The following NSA2 variants were observed in gnomAD, a reference collection of about 807,000 sequenced individuals.
NSA2 encodes NSA2 ribosome biogenesis factor, also known as ribosome biogenesis protein NSA2 homolog.
In NSA2, 18 loss-of-function variants were observed where a neutral mutation model predicts 34.8. The observed-to-expected ratio is 0.52, with a 90% CI of 0.36 to 0.77. The LOEUF is 0.77. Ranked by LOEUF, NSA2 falls within the 30% of genes least tolerant of loss-of-function variation. NSA2 has a pLI of 0.00. For missense variants in NSA2, 188 were observed against 314.7 expected (o/e 0.60, Z 3.05); for synonymous variants, 79 against 100.2 (o/e 0.79, Z 1.26).
chr5:74,768,062 T>C (rs747356964), intron 1 of NSA2, among the ~76,000 whole-genome samples: 2 of 152,212 alleles, frequency 1.3e-5, no homozygotes, highest in Non-Finnish European at 2.9e-5. Flanking sequence ...TTAAAACGTG[T>C]CTAAAATGCA....
At chr5:74,772,841 T>C (rs1345139651) in intron 4 of NSA2, among the ~76,000 whole-genome samples, 4 of 151,760 alleles carry the variant, frequency 2.6e-5, no homozygotes, top group African/African-American at 9.7e-5. Flanking sequence ...GAAACTGATT[T>C]AGTGATTTTT....
chr5:74,769,163 A>T, intron 2 of NSA2, 45 bp downstream of exon 2: 1 of 1,592,822 alleles, frequency 6.3e-7, no homozygotes. Flanking sequence ...ACATCTTTTG[A>T]GTAATCATTA....
Position 74,777,264 on chromosome 5 carries a change from T to G in NSA2, c.*593T>G, listed in dbSNP as rs1465882446. The G allele has an allele frequency of 2.0e-5, 3 of 152,162 alleles. No individual in the cohort carries two copies. Among genetic ancestry groups the G allele is most frequent in the Admixed American group, 2.0e-4 (3 of 15,280 alleles). The allele number at this position is 152,162 out of a possible 1,614,324, so 9.4% of individuals were successfully genotyped here. A position where few individuals can be genotyped will look rare whatever the true frequency, so the allele number is the denominator to read the frequency against. ...TATAATAATACCTACTTGGCACTAT[T>G]TTCTACTTGAATCATGAAAATGAAA... is the stretch of plus-strand genomic sequence containing the variant. On this transcript the variant is annotated 3_prime_UTR_variant, in exon 6 of 6. Transcript: ENST00000610426.
At chr5:74,771,751 G>A (rs1018371878) in intron 4 of NSA2, 3 of 151,718 alleles carry the variant, frequency 2.0e-5, no homozygotes, top group African/African-American at 4.8e-5. Flanking sequence ...CTGCCTGGGA[G>A]GCTGAGGCAG....
chr5:74,774,206 A>G (rs549605367), intron 5 of NSA2, 146 bp downstream of exon 5: 6 of 539,434 alleles, frequency 1.1e-5, no homozygotes, highest in Admixed American at 6.5e-5. Context: ...ATATTTAGTA[A>G]AAAATACTTT....
At position 74,779,355 on chromosome 5, in the gene NSA2, A is replaced by G. The variant is rs1344654332; in HGVS notation, c.*2684A>G. ...ATACTAAAATTAGAACAATACAGGG[A>G]AAATTAGCATGGCCCCTGTGCAAGG... On this transcript the variant is annotated 3_prime_UTR_variant, in exon 6 of 6. Transcript: ENST00000610426. 2.0e-5 allele frequency: 3 copies of G among 152,170 alleles called. No homozygotes were observed. Among genetic ancestry groups the G allele is most frequent in the Admixed American group, 6.5e-5 (1 of 15,278 alleles). 9.4% of individuals were successfully genotyped at this position (152,170 alleles called of 1,614,324 possible).
intron 4 of NSA2, among the ~76,000 whole-genome samples, chr5:74,773,584 G>T (rs753067203): frequency 1.3e-5 from 2 of 152,088 alleles, no homozygotes; most frequent in Non-Finnish European, 1.5e-5. Flanking sequence ...AAGCTGCAGT[G>T]AGCCAAGATC....
chr5:74,770,868 A>AT, intron 4 of NSA2, 58 bp downstream of exon 4: 1 of 1,238,610 alleles, frequency 8.1e-7, no homozygotes, highest in Non-Finnish European at 1.1e-6. Context: ...TAAATCGGAT[A>AT]AAGAACATTA....
intron 4 of NSA2, among the ~76,000 whole-genome samples, chr5:74,773,037 T>G (rs1470280475): frequency 6.6e-6 from 1 of 152,164 alleles, no homozygotes; most frequent in Non-Finnish European, 1.5e-5. Context: ...AGTCCACTCC[T>G]TTTTTCATCA....
Position 74,767,313 on chromosome 5 carries a change from C to A in NSA2, c.-48C>A, listed in dbSNP as rs372005240. Reference sequence around the variant, plus strand: ...GTCTTTGAGACCCGAAAATTGAGAGCGTTTTCGCACTCCAGCGGCTGCTCC... The same window carrying A: ...GTCTTTGAGACCCGAAAATTGAGAGAGTTTTCGCACTCCAGCGGCTGCTCC... On this transcript the variant is annotated 5_prime_UTR_variant, in exon 1 of 6. Transcript: ENST00000610426. The A allele has an allele frequency of 6.2e-7, 1 of 1,612,140 alleles. No homozygotes were observed. Among genetic ancestry groups the A allele is most frequent in the Non-Finnish European group, 8.5e-7 (1 of 1,178,700 alleles).
rs374023215 is a variant in NSA2, at chr5:74,773,734, T to C, written c.523-134T>C. 6.4e-5 allele frequency: 42 copies of C among 655,152 alleles called. 1 individual carries two copies. In the East Asian group the frequency reaches 7.9e-4, roughly 12 times the overall value. 40.6% of individuals were successfully genotyped at this position (655,152 alleles called of 1,614,324 possible). On this transcript the variant is annotated intron_variant, in intron 4 of 5. Transcript: ENST00000610426. ...TTTTTACTCTGTAAAACATATTTTG[T>C]TAGCTTCTTTAAGATGACATTATTC...
rs1200510928 is a variant in NSA2 at position 74,778,515 on chromosome 5, A to G, written c.*1844A>G. 1.3e-5 allele frequency: 2 copies of G among 151,970 alleles called. No individual in the cohort carries two copies. Among genetic ancestry groups the G allele is most frequent in the Non-Finnish European group, 2.9e-5 (2 of 67,884 alleles). 9.4% of individuals were successfully genotyped at this position (151,970 alleles called of 1,614,324 possible). A position where few individuals can be genotyped will look rare whatever the true frequency, so the allele number is the denominator to read the frequency against. ...TTAATGACTAGATGTTTTCCTTACCATCTACACTGAATGGAAATACCATGA... is the reference window on the plus strand; with the variant it reads ...TTAATGACTAGATGTTTTCCTTACCGTCTACACTGAATGGAAATACCATGA... On this transcript the variant is annotated 3_prime_UTR_variant, in exon 6 of 6. Transcript: ENST00000610426.
chr5:74,773,483 A>T (rs1010501396), intron 4 of NSA2, among the ~76,000 whole-genome samples: 28 of 151,596 alleles, frequency 1.8e-4, no homozygotes, highest in Non-Finnish European at 2.4e-4. Context: ...AAAAAAAAAA[A>T]AAAAAAATAA....
At chr5:74,774,198 A>G in intron 5 of NSA2, 138 bp downstream of exon 5, 1 of 539,252 alleles carries the variant, frequency 1.9e-6, no homozygotes, top group Non-Finnish European at 3.2e-6. Flanking sequence ...AGATGTAAAT[A>G]TTTAGTAAAA....
chr5:74,772,210 C>T lies in NSA2; in HGVS notation c.522+1400C>T, dbSNP rs565026871. ...CACGATCTCGGCTCACTGCAAGCTC[C>T]GCCTCCCGGGTTCTCGCCATTCTCC... On this transcript the variant is annotated intron_variant, in intron 4 of 5. Coordinates refer to ENST00000610426, the MANE Select transcript of NSA2 (RefSeq NM_014886.6). Among the ~76,000 whole-genome samples, 3 of 151,474 alleles carry T rather than the reference C, an allele frequency of 2.0e-5. No individual in the cohort carries two copies. The East Asian group carries it at 5.9e-4, about 30-fold the overall frequency.
At chr5:74,773,045 T>C (rs1429212094) in intron 4 of NSA2, among the ~76,000 whole-genome samples, 1 of 152,182 alleles carries the variant, frequency 6.6e-6, no homozygotes, top group African/African-American at 2.4e-5. Context: ...CCTTTTTTCA[T>C]CATGGAAGGT....
intron 5 of NSA2, among the ~76,000 whole-genome samples, chr5:74,776,064 G>A (rs565872353): frequency 6.6e-6 from 1 of 152,318 alleles, no homozygotes; most frequent in South Asian, 2.1e-4. Flanking sequence ...TAATAACATG[G>A]AGCTGGCCAT....
rs558790264 is a variant in NSA2, at chr5:74,769,126, G to T, written c.191+8G>T. The T allele has an allele frequency of 6.2e-7, 1 of 1,600,668 alleles. No individual in the cohort carries two copies. Among genetic ancestry groups the T allele is most frequent in the Non-Finnish European group, 8.5e-7 (1 of 1,175,878 alleles). ...AATACAAATGAAAAAGACGTAAGTG[G>T]TCTCATTTATTTGTCATAACAAGTT... On this transcript the variant is annotated splice_region_variant and intron_variant, in intron 2 of 5. Transcript: ENST00000610426.
At chr5:74,767,463 G>A in intron 1 of NSA2, 100 bp downstream of exon 1, 1 of 1,439,132 alleles carries the variant, frequency 6.9e-7, no homozygotes, top group Non-Finnish European at 9.7e-7. Context: ...GTGGTAGGCG[G>A]AAATGAGAAC....
Sources: gnomAD v4.1 joint callset for allele counts (sites outside exome capture counted in the v4.1 genomes callset) on GRCh38, gnomAD v4.1.1 for gene constraint, MANE v1.5 for transcripts, NCBI Gene and HGNC (gene_info 2026-07-23, HGNC 2026-07-21) for gene names.